Variants in CNTNAP5 observed in about 807,000 individuals in gnomAD.
The protein encoded by CNTNAP5 is contactin-associated protein-like 5.
CNTNAP5 carries 72 observed loss-of-function variants against 150.2 expected under a neutral mutation model. That is an observed-to-expected ratio of 0.48 (90% CI 0.40 to 0.58). The LOEUF is 0.58. Among genes scored for constraint, CNTNAP5 ranks in the 20% least tolerant of loss-of-function variants. The pLI is 0.00. For synonymous variants in CNTNAP5, 672 were observed against 619.8 expected, an observed-to-expected ratio of 1.08 and a Z score of -1.25; for missense variants, 1,636 against 1,626.2, an observed-to-expected ratio of 1.01 and a Z score of -0.10.
chr2:124,423,324 AT>A (rs909007945), intron 4 of CNTNAP5, among the ~76,000 whole-genome samples: 2 of 151,684 alleles, frequency 1.3e-5, no homozygotes, highest in East Asian at 1.9e-4. Flanking sequence ...ACTTCCCTAT[AT>A]TTTTTTTTCC....
At chr2:124,238,340 A>G (rs1686804199) in intron 2 of CNTNAP5, among the ~76,000 whole-genome samples, 1 of 152,100 alleles carries the variant, frequency 6.6e-6, no homozygotes, top group Non-Finnish European at 1.5e-5. Context: ...CTAGTGTGAC[A>G]TCAGGAACAG....
At chr2:124,533,969 C>T (rs772557485) in intron 10 of CNTNAP5, among the ~76,000 whole-genome samples, 10 of 152,118 alleles carry the variant, frequency 6.6e-5, no homozygotes, top group Non-Finnish European at 1.3e-4. Flanking sequence ...ATAGGAGTGA[C>T]TCCACCTCTC....
chr2:124,704,423 C>G (rs371806467), intron 13 of CNTNAP5, among the ~76,000 whole-genome samples: 1 of 151,548 alleles, frequency 6.6e-6, no homozygotes, highest in Non-Finnish European at 1.5e-5. Context: ...GTGTGAAACT[C>G]GTTATATCAC....
intron 1 of CNTNAP5, among the ~76,000 whole-genome samples, chr2:124,140,447 C>T (rs1157215926): frequency 2.6e-4 from 31 of 118,330 alleles, no homozygotes; most frequent in South Asian, 1.0e-3. Context: ...GATCTGAGAA[C>T]GGGCAGACTG....
At chr2:124,841,594 G>C (rs918340396) in intron 19 of CNTNAP5, among the ~76,000 whole-genome samples, 2 of 151,802 alleles carry the variant, frequency 1.3e-5, no homozygotes, top group Non-Finnish European at 2.9e-5. Flanking sequence ...ATGTTCCCTC[G>C]CAGCATTCCT....
chr2:124,541,537 G>A (rs1236062905), intron 10 of CNTNAP5, among the ~76,000 whole-genome samples: 1 of 152,058 alleles, frequency 6.6e-6, no homozygotes, highest in Non-Finnish European at 1.5e-5. Flanking sequence ...GCATTTTAAA[G>A]GTCATTCCAA....
intron 3 of CNTNAP5, among the ~76,000 whole-genome samples, chr2:124,305,175 A>G: frequency 6.7e-6 from 1 of 149,230 alleles, no homozygotes; most frequent in African/African-American, 2.5e-5. Flanking sequence ...GCTACTCAGG[A>G]GGCTGAGGTG....
intron 3 of CNTNAP5, among the ~76,000 whole-genome samples, chr2:124,280,137 C>G (rs1196526934): frequency 6.6e-6 from 1 of 151,612 alleles, no homozygotes; most frequent in African/African-American, 2.4e-5. Context: ...GCCACCTTCT[C>G]TGTGATTATT....
chr2:124,914,005 C>A (rs1179421762), intron 23 of CNTNAP5, 87 bp from the exon 24 acceptor site: 2 of 899,910 alleles, frequency 2.2e-6, no homozygotes, highest in African/African-American at 3.4e-5. Flanking sequence ...CTCTCCTACG[C>A]ATTCCCCTCA....
At chr2:124,587,312 T>A (rs577751689) in intron 11 of CNTNAP5, among the ~76,000 whole-genome samples, 3 of 152,342 alleles carry the variant, frequency 2.0e-5, no homozygotes, top group African/African-American at 7.2e-5. Flanking sequence ...TTTGGATAAT[T>A]TGAAATGGAT....
At chr2:124,045,771 G>T (rs1486280953) in intron 1 of CNTNAP5, among the ~76,000 whole-genome samples, 1 of 152,084 alleles carries the variant, frequency 6.6e-6, no homozygotes, top group Non-Finnish European at 1.5e-5. Context: ...ATGTGTTGGG[G>T]AAGAAGGTAG....
intron 13 of CNTNAP5, among the ~76,000 whole-genome samples, chr2:124,671,810 T>C (rs1489529766): frequency 6.6e-6 from 1 of 152,088 alleles, no homozygotes; most frequent in African/African-American, 2.4e-5. Context: ...TGGCTAGTTT[T>C]TGTATTTTTA....
chr2:124,748,567 AT>A (rs1159973844), intron 14 of CNTNAP5, among the ~76,000 whole-genome samples: 2 of 152,160 alleles, frequency 1.3e-5, no homozygotes, highest in Non-Finnish European at 2.9e-5. Flanking sequence ...CTTAATTTTA[AT>A]TAAAAATTCT....
At chr2:124,131,097 C>T (rs1683832518) in intron 1 of CNTNAP5, among the ~76,000 whole-genome samples, 2 of 152,080 alleles carry the variant, frequency 1.3e-5, no homozygotes, top group South Asian at 4.1e-4. Context: ...ATGTGAATAG[C>T]TGTGTTTTAG....
chr2:124,280,042 C>T (rs1687975385), intron 3 of CNTNAP5, among the ~76,000 whole-genome samples: 1 of 152,038 alleles, frequency 6.6e-6, no homozygotes, highest in Admixed American at 6.6e-5. Flanking sequence ...TTAGTGTTCT[C>T]TCAACTATAT....
At chr2:124,337,986 T>G (rs1050072059) in intron 3 of CNTNAP5, among the ~76,000 whole-genome samples, 3 of 152,214 alleles carry the variant, frequency 2.0e-5, no homozygotes, top group Admixed American at 1.3e-4. Context: ...TATTGATTCT[T>G]CCTACCCATG....
At chr2:124,589,618 A>G (rs1233679793) in intron 11 of CNTNAP5, among the ~76,000 whole-genome samples, 1 of 152,230 alleles carries the variant, frequency 6.6e-6, no homozygotes, top group Non-Finnish European at 1.5e-5. Context: ...TTTGAACAAA[A>G]AAAAGCACTG....
At chr2:124,828,237 T>G (rs982358794) in intron 19 of CNTNAP5, among the ~76,000 whole-genome samples, 9 of 152,172 alleles carry the variant, frequency 5.9e-5, no homozygotes, top group Non-Finnish European at 8.8e-5. Context: ...ATCTCAGCAC[T>G]TTGCGAGGCC....
intron 9 of CNTNAP5, 22 bp from the exon 10 acceptor site, chr2:124,527,257 TTCTTCA>T (rs1437447037): frequency 3.1e-6 from 5 of 1,600,430 alleles, no homozygotes; most frequent in Non-Finnish European, 4.3e-6. Flanking sequence ...TTCAGCATTC[TTCTTCA>T]TCTTTTTTCT....
Sources: allele counts gnomAD v4.1 joint callset (sites outside exome capture counted in the v4.1 genomes callset), GRCh38; gene constraint gnomAD v4.1.1; transcripts MANE v1.5; gene names NCBI Gene and HGNC (gene_info 2026-07-23, HGNC 2026-07-21).